The following ACSM1 variants were observed in gnomAD, a reference collection of about 807,000 sequenced individuals.
The protein encoded by ACSM1 is acyl-CoA synthetase medium chain family member 1.
ACSM1 carries 79 observed loss-of-function variants against 75.8 expected under a neutral mutation model. The observed-to-expected ratio is 1.04, with a 90% CI of 0.87 to 1.26. The LOEUF is 1.26. ACSM1 is among the 50% of genes most tolerant of loss of function. The pLI is 0.00. For missense variants in ACSM1, 676 were observed against 720.1 expected (o/e 0.94, Z 0.70); for synonymous variants, 279 against 265.8 (o/e 1.05, Z -0.48).
At chr16:20,625,959 G>A (rs1042587498) in intron 11 of ACSM1, among the ~76,000 whole-genome samples, 24 of 152,126 alleles carry the variant, frequency 1.6e-4, no homozygotes, top group South Asian at 2.1e-4. Context: ...ACATAGTAAC[G>A]CGATTAAAAC....
intron 6 of ACSM1, among the ~76,000 whole-genome samples, chr16:20,666,884 G>T (rs541246493): frequency 6.6e-6 from 1 of 152,252 alleles, no homozygotes; most frequent in South Asian, 2.1e-4. Flanking sequence ...GGGAAAACTG[G>T]CTAGCCATAT....
In ACSM1 at chr16:20,691,150, G is replaced by C. The variant is rs774447878; in HGVS notation, c.39C>G (p.Ile13Met). The change falls in exon 2 of 14, where the codon ATC (isoleucine) becomes ATG (methionine). Residue 13 changes from isoleucine to methionine, a missense_variant. By Grantham distance (10) the Ile-to-Met change is conservative (BLOSUM62 1). Transcript: ENST00000520010. Reference sequence around the variant, plus strand: ...GGTGGATGTTGTGGAAGGATTTGTGGATGCCCCAGAGGGTCCGGAACCTCA... The same window carrying C: ...GGTGGATGTTGTGGAAGGATTTGTGCATGCCCCAGAGGGTCCGGAACCTCA... Reference protein sequence around the residue: ...WLMRFRTLWGIHKSFHNIHPA... With the variant: ...WLMRFRTLWGMHKSFHNIHPA... The C allele has an allele frequency of 1.9e-6, 3 of 1,612,264 alleles. No individual in the cohort carries two copies. The highest frequency in any genetic ancestry group is 4.5e-5 in the East Asian group (2 of 44,790).
rs1379414674 is a variant in ACSM1, at chr16:20,623,251, T to C, written c.*235A>G. The C allele has an allele frequency of 1.7e-5, 8 of 484,224 alleles. No individual in the cohort carries two copies. Among genetic ancestry groups the C allele is most frequent in the Admixed American group, 3.5e-5 (1 of 28,614 alleles). 30.0% of individuals were successfully genotyped at this position (484,224 alleles called of 1,614,324 possible). On this transcript the variant is annotated 3_prime_UTR_variant, in exon 14 of 14. Coordinates refer to ENST00000520010, the MANE Select transcript of ACSM1 (RefSeq NM_001318890.3). ...CACAGGGTATTGTTGATATCAGTAT[T>C]TTATTACTTGCGTTATGAGTGCTCA...
chr16:20,690,021 A>G (rs1308748287), intron 2 of ACSM1, among the ~76,000 whole-genome samples: 1 of 152,244 alleles, frequency 6.6e-6, no homozygotes, highest in African/African-American at 2.4e-5. Flanking sequence ...ATGCAAGGTG[A>G]TTGCCAAGGC....
At chr16:20,664,986 G>A (rs548414021) in intron 6 of ACSM1, among the ~76,000 whole-genome samples, 2 of 152,270 alleles carry the variant, frequency 1.3e-5, no homozygotes, top group South Asian at 2.1e-4. Flanking sequence ...TCGTTGAGAT[G>A]CACCTGAAGC....
chr16:20,623,491 T>C lies in ACSM1; in HGVS notation c.1729A>G (p.Met577Val). The change falls in exon 14 of 14, where the codon ATG becomes GTG. Residue 577 changes from methionine to valine, a missense_variant. Transcript: ENST00000520010. Reference sequence around the variant, plus strand: ...CGTTCTGAGTTCACTGCCGATTACATCTGACCAGTCTCCTTTTTCCGAAGT... The same window carrying C: ...CGTTCTGAGTTCACTGCCGATTACACCTGACCAGTCTCCTTTTTCCGAAGT... Reference protein sequence around the residue: ...KELRKKETGQM With the variant: ...KELRKKETGQV The C allele has an allele frequency of 6.2e-7, 1 of 1,614,086 alleles. No individual in the cohort carries two copies. The highest frequency in any genetic ancestry group is 1.1e-5 in the South Asian group (1 of 91,080).
chr16:20,626,936 C>T (rs963716056), intron 11 of ACSM1, among the ~76,000 whole-genome samples: 1 of 152,090 alleles, frequency 6.6e-6, no homozygotes, highest in Non-Finnish European at 1.5e-5. Flanking sequence ...ACTCCCCCCA[C>T]CCCACTGTAA....
intron 6 of ACSM1, among the ~76,000 whole-genome samples, chr16:20,664,365 A>G (rs1174671551): frequency 6.6e-6 from 1 of 152,104 alleles, no homozygotes; most frequent in East Asian, 1.9e-4. Context: ...TTCTTATATC[A>G]GATAAAAACA....
rs1337229723 is a variant in ACSM1 at position 20,648,030 on chromosome 16, C to A, written c.993-7446G>T. Reference sequence around the variant, plus strand: ...CTCCCAGAGCTCAGGAACTTTGCAGCCTCCACAGTCGCGATGGCCCCCTGC... The same window carrying A: ...CTCCCAGAGCTCAGGAACTTTGCAGACTCCACAGTCGCGATGGCCCCCTGC... On this transcript the variant is annotated intron_variant, in intron 7 of 13. Transcript: ENST00000520010. The surrounding 1 kb of genome is among the most constrained non-coding windows in gnomAD (Gnocchi z 4.2). 3.9e-5 allele frequency among the ~76,000 whole-genome samples: 6 copies of A among 152,178 alleles called. No individual in the cohort carries two copies. Among genetic ancestry groups the A allele is most frequent in the Non-Finnish European group, 8.8e-5 (6 of 68,032 alleles).
At chr16:20,682,558 G>A in intron 3 of ACSM1, 95 bp from the exon 4 acceptor site, 1 of 915,990 alleles carries the variant, frequency 1.1e-6, no homozygotes, top group South Asian at 1.5e-5. Context: ...CTAACTTCTT[G>A]TTATGTAAAG....
intron 10 of ACSM1, among the ~76,000 whole-genome samples, chr16:20,629,221 C>G (rs1333201147): frequency 6.6e-6 from 1 of 152,044 alleles, no homozygotes; most frequent in African/African-American, 2.4e-5. Context: ...CTGTTTTCCA[C>G]TCATGATATT....
At chr16:20,630,398 T>C (rs1205286137) in intron 10 of ACSM1, among the ~76,000 whole-genome samples, 1 of 152,144 alleles carries the variant, frequency 6.6e-6, no homozygotes. Context: ...AAATAAAGTT[T>C]AAGTTAAAAA....
At chr16:20,656,422 G>A (rs2018959795) in intron 7 of ACSM1, among the ~76,000 whole-genome samples, 1 of 152,030 alleles carries the variant, frequency 6.6e-6, no homozygotes, top group South Asian at 2.1e-4. Flanking sequence ...AAATCTTAAA[G>A]TCATGATTTA....
At chr16:20,663,057 C>T (rs1596880053) in intron 6 of ACSM1, among the ~76,000 whole-genome samples, 1 of 152,208 alleles carries the variant, frequency 6.6e-6, no homozygotes, top group East Asian at 1.9e-4. Context: ...GGCCTAAACC[C>T]CCTTGTGGCC....
chr16:20,661,300 T>C lies in ACSM1; in HGVS notation c.992+494A>G, dbSNP rs112037418. 3.2e-3 allele frequency among the ~76,000 whole-genome samples: 480 copies of C among 152,292 alleles called. 2 individuals are homozygous for C. The highest frequency in any genetic ancestry group is 0.011 in the African/African-American group (453 of 41,566). ...CAATTATTATATAATAATGTAGCATTACCTGTTTAAAATTCGAACACATGT... is the reference window on the plus strand; with the variant it reads ...CAATTATTATATAATAATGTAGCATCACCTGTTTAAAATTCGAACACATGT... On this transcript the variant is annotated intron_variant, in intron 7 of 13. Coordinates refer to ENST00000520010, the MANE Select transcript of ACSM1 (RefSeq NM_001318890.3).
At chr16:20,666,198 G>T (rs1205110710) in intron 6 of ACSM1, among the ~76,000 whole-genome samples, 1 of 151,988 alleles carries the variant, frequency 6.6e-6, no homozygotes, top group Non-Finnish European at 1.5e-5. Flanking sequence ...ATCTCTTTTT[G>T]CTGACAATAT....
At chr16:20,669,694 T>C in intron 6 of ACSM1, 133 bp downstream of exon 6, 1 of 877,264 alleles carries the variant, frequency 1.1e-6, no homozygotes, top group South Asian at 1.8e-5. Context: ...GCATCACACT[T>C]TGAGAAGCCC....
chr16:20,671,710 T>C lies in ACSM1; in HGVS notation c.612-39A>G, dbSNP rs774320851. The C allele has an allele frequency of 8.9e-6, 13 of 1,466,772 alleles. No homozygotes were observed. The East Asian group carries it at 9.7e-5, about 11-fold the overall frequency. 90.9% of individuals were successfully genotyped at this position (1,466,772 alleles called of 1,614,324 possible). A position where few individuals can be genotyped will look rare whatever the true frequency, so the allele number is the denominator to read the frequency against. ...CAAGACAAAAGGAAAAAAGTCATGA[T>C]TGCTGTTTCTTCATCTTCTGGGAAT... On this transcript the variant is annotated intron_variant, in intron 4 of 13. Transcript: ENST00000520010.
intron 7 of ACSM1, among the ~76,000 whole-genome samples, chr16:20,650,261 T>C (rs536677494): frequency 6.6e-6 from 1 of 152,258 alleles, no homozygotes; most frequent in African/African-American, 2.4e-5. Context: ...CTCAGTGCAT[T>C]TGCATGAGGA....
Sources: gnomAD v4.1 joint callset for allele counts (sites outside exome capture counted in the v4.1 genomes callset) on GRCh38, gnomAD v4.1.1 for gene constraint, Gnocchi (gnomAD v3.1) non-coding constraint, MANE v1.5 for transcripts, NCBI Gene and HGNC (gene_info 2026-07-23, HGNC 2026-07-21) for gene names.